COL10A1: variants seen among roughly 807,000 people sequenced by gnomAD.
COL10A1 encodes collagen alpha-1(X) chain.
A neutral mutation model predicts 18.2 loss-of-function variants in COL10A1; 10 were observed. That is an observed-to-expected ratio of 0.55 (90% CI 0.34 to 0.93). The LOEUF is 0.93. Among genes scored for constraint, COL10A1 ranks in the 40% least tolerant of loss-of-function variants. The pLI is 0.02. For missense variants in COL10A1, 897 were observed against 853.5 expected (o/e 1.05, Z -0.64); for synonymous variants, 330 against 316.6 (o/e 1.04, Z -0.45).
intron 1 of COL10A1, among the ~76,000 whole-genome samples, chr6:116,150,919 ATGAT>A (rs986534252): frequency 2.0e-5 from 3 of 152,212 alleles, no homozygotes; most frequent in African/African-American, 7.2e-5. Flanking sequence ...TTTAGGTACT[ATGAT>A]TGACATTTAA....
the COL10A1 span, among the ~76,000 whole-genome samples, chr6:116,189,229 A>G: frequency 9.4e-3 from 1,429 of 151,844 alleles, 18 homozygotes; most frequent in African/African-American, 0.032. Flanking sequence ...TTTTACTTCT[A>G]TTTATTAACT....
At chr6:116,122,541 A>G (rs1451300463) in intron 2 of COL10A1, among the ~76,000 whole-genome samples, 1 of 152,210 alleles carries the variant, frequency 6.6e-6, no homozygotes, top group Non-Finnish European at 1.5e-5. Context: ...ATTAGACATA[A>G]TAGGTGAGGT....
At chr6:116,147,000 A>T (rs374734438) in intron 1 of COL10A1, among the ~76,000 whole-genome samples, 1 of 146,694 alleles carries the variant, frequency 6.8e-6, no homozygotes, top group Non-Finnish European at 1.5e-5. Flanking sequence ...AATAATATAA[A>T]ATATATATAT....
the COL10A1 span, among the ~76,000 whole-genome samples, chr6:116,210,543 C>T: frequency 6.6e-6 from 1 of 151,780 alleles, no homozygotes; most frequent in Non-Finnish European, 1.5e-5. Context: ...CTCTGTATCT[C>T]GGATTTTCAG....
chr6:116,176,929 G>A, the COL10A1 span, among the ~76,000 whole-genome samples: 204 of 152,214 alleles, frequency 1.3e-3, no homozygotes, highest in African/African-American at 4.2e-3. Context: ...TTTTTGCCCC[G>A]TGTAATTTTA....
At chr6:116,124,701 A>G (rs1443296368) in intron 2 of COL10A1, among the ~76,000 whole-genome samples, 1 of 152,232 alleles carries the variant, frequency 6.6e-6, no homozygotes, top group Non-Finnish European at 1.5e-5. Context: ...ATGGGAGGAC[A>G]AGTAACTTAC....
the COL10A1 span, among the ~76,000 whole-genome samples, chr6:116,196,458 T>C: frequency 3.3e-5 from 5 of 152,164 alleles, no homozygotes; most frequent in African/African-American, 1.2e-4. Context: ...AAATCAACCA[T>C]TATTAGTGAT....
chr6:116,201,635 T>C, the COL10A1 span, among the ~76,000 whole-genome samples: 2 of 151,994 alleles, frequency 1.3e-5, no homozygotes, highest in Non-Finnish European at 2.9e-5. Context: ...CTTACTATTA[T>C]TTAGGCTTGT....
chr6:116,121,898 T>C lies in COL10A1; in HGVS notation c.218A>G (p.His73Arg), dbSNP rs1165575462. The change falls in exon 3 of 3, where the codon CAC (histidine) becomes CGC (arginine). Residue 73 changes from histidine to arginine, a missense_variant. Transcript: ENST00000651968. ...TCCTGGTGGTCCAGAAGGACCTGGG[T>C]GCCCTCGAGGTCCAGCAGGGCCTGG... is the stretch of plus-strand genomic sequence containing the variant. ...GPPGPAGPRG[H>R]PGPSGPPGKP... 1.2e-6 allele frequency: 2 copies of C among 1,613,872 alleles called. No individual in the cohort carries two copies. Among genetic ancestry groups the C allele is most frequent in the Admixed American group, 3.3e-5 (2 of 60,002 alleles).
intron 1 of COL10A1, among the ~76,000 whole-genome samples, chr6:116,135,579 C>CT (rs1271130723): frequency 6.6e-6 from 1 of 151,466 alleles, no homozygotes; most frequent in African/African-American, 2.4e-5. Flanking sequence ...AACAATATAA[C>CT]TTCTATTACC....
the COL10A1 span, among the ~76,000 whole-genome samples, chr6:116,196,745 T>C: frequency 1.4e-4 from 21 of 152,014 alleles, no homozygotes; most frequent in East Asian, 3.7e-3. Context: ...AACTCTGCGG[T>C]GTTGGGAATG....
chr6:116,163,008 T>G (rs1165402953), upstream of COL10A1, among the ~76,000 whole-genome samples: 6 of 150,418 alleles, frequency 4.0e-5, no homozygotes, highest in East Asian at 9.8e-4. Flanking sequence ...GCACTTATAG[T>G]CCCAGCTACT....
chr6:116,163,263 G>A (rs1238845876), upstream of COL10A1, among the ~76,000 whole-genome samples: 1 of 149,260 alleles, frequency 6.7e-6, no homozygotes, highest in African/African-American at 2.5e-5. Context: ...GTTTGTTTTG[G>A]TTGGTAGATC....
At chr6:116,166,177 C>T in the COL10A1 span, among the ~76,000 whole-genome samples, 865 of 152,254 alleles carry the variant, frequency 5.7e-3, 17 homozygotes, top group South Asian at 0.046. Context: ...CTGCGAGACT[C>T]TTGCTGCTTT....
the COL10A1 span, among the ~76,000 whole-genome samples, chr6:116,204,063 C>CT: frequency 6.6e-6 from 1 of 151,794 alleles, no homozygotes; most frequent in East Asian, 1.9e-4. Flanking sequence ...ACCCAGCTCA[C>CT]TTTGGGCAGT....
chr6:116,156,440 A>C (rs1163523411), intron 1 of COL10A1, among the ~76,000 whole-genome samples: 1 of 152,174 alleles, frequency 6.6e-6, no homozygotes, highest in East Asian at 1.9e-4. Context: ...GCTTTCACTT[A>C]GCTTATTATA....
chr6:116,135,060 T>C (rs1474925772), intron 1 of COL10A1, among the ~76,000 whole-genome samples: 1 of 152,186 alleles, frequency 6.6e-6, no homozygotes, highest in Non-Finnish European at 1.5e-5. Flanking sequence ...CATTTACTTA[T>C]TGATACATTG....
chr6:116,164,850 G>A, the COL10A1 span, among the ~76,000 whole-genome samples: 4 of 152,046 alleles, frequency 2.6e-5, no homozygotes, highest in Non-Finnish European at 4.4e-5. Flanking sequence ...TTGGGAGGCC[G>A]AGGCAGGCAG....
chr6:116,132,159 G>C (rs1326529840), intron 1 of COL10A1, among the ~76,000 whole-genome samples: 1 of 152,110 alleles, frequency 6.6e-6, no homozygotes, highest in Non-Finnish European at 1.5e-5. Context: ...TATGTAGCCT[G>C]AATGTCTTTG....
Sources: allele counts gnomAD v4.1 joint callset (sites outside exome capture counted in the v4.1 genomes callset), GRCh38; gene constraint gnomAD v4.1.1; transcripts MANE v1.5; gene names NCBI Gene and HGNC (gene_info 2026-07-23, HGNC 2026-07-21).